Variants in IL6 observed in about 807,000 individuals in gnomAD.
IL6 encodes the protein interleukin-6.
A neutral mutation model predicts 18.0 loss-of-function variants in IL6; 5 were observed. The ratio of observed to expected loss-of-function variants is 0.28; its 90% confidence interval spans 0.15 to 0.58. The LOEUF is 0.58. Ranked by LOEUF, IL6 falls within the 20% of genes least tolerant of loss-of-function variation. The probability of loss-of-function intolerance (pLI) is 0.90; values close to 1 mark genes in which losing one functional copy is unlikely to be tolerated. For missense variants in IL6, 266 were observed against 251.0 expected, an observed-to-expected ratio of 1.06 and a Z score of -0.40; for synonymous variants, 97 against 95.1, an observed-to-expected ratio of 1.02 and a Z score of -0.12.
chr7:22,728,475 A>T (rs1784057331), intron 2 of IL6: 1 of 516,126 alleles, frequency 1.9e-6, no homozygotes, highest in Non-Finnish European at 3.5e-6. Flanking sequence ...GGAAACTGAG[A>T]CTCAGGATTA....
chr7:22,729,785 G>A (rs773560775), intron 4 of IL6, 125 bp downstream of exon 4: 2 of 1,558,472 alleles, frequency 1.3e-6, no homozygotes, highest in Admixed American at 3.9e-5. Context: ...AAAAGAGTCT[G>A]AGAAATAGTT....
Position 22,728,695 on chromosome 7 carries a change from A to G in IL6, c.213A>G (p.Thr71=), listed in dbSNP as rs145242107. The change falls in exon 3 of 5, where the codon ACA becomes ACG. Residue 71 remains threonine, a splice_region_variant and synonymous_variant. Transcript: ENST00000258743. ...ACAATTCTGGTATTCTTTCCCAGAC[A>G]TGTAACAAGAGTAACATGTGTGAAA... ...LDGISALRKE[T]CNKSNMCESS... is the part of the protein sequence containing the mutation. 66 of 1,581,542 alleles carry G rather than the reference A, an allele frequency of 4.2e-5. No homozygotes were observed. The highest frequency in any genetic ancestry group is 5.5e-5 in the Non-Finnish European group (63 of 1,150,284).
intron 3 of IL6, 139 bp from the exon 4 acceptor site, chr7:22,729,375 C>A: frequency 1.3e-6 from 1 of 763,608 alleles, no homozygotes; most frequent in Non-Finnish European, 2.2e-6. Flanking sequence ...GTCCAATGTC[C>A]CAAAACATGC....
At chr7:22,729,436 G>A (rs532066911) in intron 3 of IL6, 78 bp from the exon 4 acceptor site, 19 of 1,398,134 alleles carry the variant, frequency 1.4e-5, no homozygotes, top group East Asian at 2.3e-5. Flanking sequence ...AAAAGATGTC[G>A]AACTGTGGCA....
At chr7:22,727,319 G>A (rs757587594) in intron 1 of IL6, 38 bp downstream of exon 1, 10 of 1,613,890 alleles carry the variant, frequency 6.2e-6, no homozygotes, top group East Asian at 4.5e-5. Context: ...AACTGCCAGC[G>A]GCGGTCGAGC....
intron 4 of IL6, chr7:22,730,429 G>A (rs756910594): frequency 9.8e-5 from 25 of 254,154 alleles, no homozygotes; most frequent in Non-Finnish European, 1.4e-4. Context: ...TGATGCTGCA[G>A]AATTCCAGGA....
chr7:22,728,655 G>C (rs757202983), intron 2 of IL6, 38 bp from the exon 3 acceptor site: 2 of 1,168,618 alleles, frequency 1.7e-6, no homozygotes, highest in African/African-American at 1.5e-5. Context: ...TTGTTTTAGG[G>C]ACACTTAGGT....
At chr7:22,727,862 C>T (rs1004035389) in intron 2 of IL6, among the ~76,000 whole-genome samples, 1 of 152,148 alleles carries the variant, frequency 6.6e-6, no homozygotes, top group Admixed American at 6.5e-5. Flanking sequence ...AATCCATGCC[C>T]ACCTTTGGCA....
In IL6 at chr7:22,731,373, T is replaced by G. The variant is rs960891838; in HGVS notation, c.472-33T>G. 4.6e-6 allele frequency: 7 copies of G among 1,509,350 alleles called. No homozygotes were observed. The African/African-American group carries it at 8.3e-5, about 18-fold the overall frequency. 93.5% of individuals were successfully genotyped at this position (1,509,350 alleles called of 1,614,324 possible). On this transcript the variant is annotated intron_variant, in intron 4 of 4. Transcript: ENST00000258743. Reference sequence around the variant, plus strand: ...CACTGCAAAGGATTTATTCAACATTTAAACAATCCTTTTTACTTTCATTTT... The same window carrying G: ...CACTGCAAAGGATTTATTCAACATTGAAACAATCCTTTTTACTTTCATTTT...
At chr7:22,728,833 A>G (rs774086161) in intron 3 of IL6, 27 bp downstream of exon 3, 1 of 1,350,876 alleles carries the variant, frequency 7.4e-7, no homozygotes, top group Non-Finnish European at 1.1e-6. Context: ...CTCACTTTTC[A>G]CTATTCCTTA....
rs1465914604 is a variant in IL6 at position 22,729,666 on chromosome 7, T to C, written c.471+6T>C. The C allele has an allele frequency of 3.1e-6, 5 of 1,614,038 alleles. No individual in the cohort carries two copies. Among genetic ancestry groups the C allele is most frequent in the Non-Finnish European group, 4.2e-6 (5 of 1,180,028 alleles). On this transcript the variant is annotated splice_donor_region_variant and intron_variant, in intron 4 of 4. Coordinates refer to ENST00000258743, the MANE Select transcript of IL6 (RefSeq NM_000600.5). ...TCCAGTTCCTGCAGAAAAAGGTGGGTGTGTCCTCATTCCCTCAACTTGGTG... is the reference window on the plus strand; with the variant it reads ...TCCAGTTCCTGCAGAAAAAGGTGGGCGTGTCCTCATTCCCTCAACTTGGTG...
intron 2 of IL6, among the ~76,000 whole-genome samples, chr7:22,727,998 G>A (rs1298378304): frequency 2.6e-5 from 4 of 152,186 alleles, no homozygotes; most frequent in Non-Finnish European, 5.9e-5. Context: ...GGCATGTTCA[G>A]CTTCTCAGAG....
intron 2 of IL6, 104 bp downstream of exon 2, chr7:22,727,738 T>A: frequency 7.6e-7 from 1 of 1,311,472 alleles, no homozygotes; most frequent in Non-Finnish European, 1.0e-6. Flanking sequence ...TTTGCTGGGT[T>A]CTAGAGCACT....
At chr7:22,729,694 G>C in intron 4 of IL6, 34 bp downstream of exon 4, 1 of 1,614,010 alleles carries the variant, frequency 6.2e-7, no homozygotes, top group Non-Finnish European at 8.5e-7. Flanking sequence ...ACTTGGTGTG[G>C]GGGAAGACAG....
chr7:22,729,014 T>C (rs964970300), intron 3 of IL6, among the ~76,000 whole-genome samples: 1 of 152,228 alleles, frequency 6.6e-6, no homozygotes, highest in Non-Finnish European at 1.5e-5. Flanking sequence ...GGTGCCACTG[T>C]GGTGAGATTT....
chr7:22,729,829 T>TTTGG (rs1203217799), intron 4 of IL6, 169 bp downstream of exon 4: 1 of 1,512,922 alleles, frequency 6.6e-7, no homozygotes, highest in Non-Finnish European at 8.9e-7. Flanking sequence ...TTTTTGTTTG[T>TTTGG]TTGGTTGGTT....
At position 22,729,619 on chromosome 7, in the gene IL6, C is replaced by A; in HGVS notation, c.430C>A (p.Gln144Lys). The A allele has an allele frequency of 1.2e-6, 2 of 1,614,108 alleles. No individual in the cohort carries two copies. The highest frequency in any genetic ancestry group is 1.7e-6 in the Non-Finnish European group (2 of 1,180,006). Residue 144 changes from glutamine (Q) to lysine (K), a missense_variant, in exon 4 of 5, where the codon CAG (glutamine) becomes AAG (lysine). Coordinates refer to ENST00000258743, the MANE Select transcript of IL6 (RefSeq NM_000600.5). ...ESSEEQARAV[Q>K]MSTKVLIQFL... ...TAGTGAGGAACAAGCCAGAGCTGTG[C>A]AGATGAGTACAAAAGTCCTGATCCA...
At position 22,728,698 on chromosome 7, in the gene IL6, T is replaced by C. The variant is rs147625275; in HGVS notation, c.216T>C (p.Cys72=). Reference sequence around the variant, plus strand: ...ATTCTGGTATTCTTTCCCAGACATGTAACAAGAGTAACATGTGTGAAAGCA... The same window carrying C: ...ATTCTGGTATTCTTTCCCAGACATGCAACAAGAGTAACATGTGTGAAAGCA... ...DGISALRKET[C]NKSNMCESSK... Residue 72 remains cysteine, a synonymous_variant, in exon 3 of 5, where the codon TGT becomes TGC. Coordinates refer to ENST00000258743, the MANE Select transcript of IL6 (RefSeq NM_000600.5). 5.7e-6 allele frequency: 9 copies of C among 1,589,894 alleles called. 1 individual carries two copies. In the Middle Eastern group the frequency reaches 1.2e-3, roughly 205 times the overall value.
chr7:22,729,893 G>C, intron 4 of IL6: 1 of 1,423,960 alleles, frequency 7.0e-7, no homozygotes, highest in Non-Finnish European at 9.2e-7. Flanking sequence ...TATATTAACT[G>C]AGGTGGATTT....
Sources: gnomAD v4.1 joint callset for allele counts (sites outside exome capture counted in the v4.1 genomes callset) on GRCh38, gnomAD v4.1.1 for gene constraint, MANE v1.5 for transcripts, NCBI Gene and HGNC (gene_info 2026-07-23, HGNC 2026-07-21) for gene names.